Variants in EMG1 observed in about 807,000 individuals in gnomAD.
The protein encoded by EMG1 is EMG1 N1-specific pseudouridine methyltransferase.
EMG1 carries 24 observed loss-of-function variants against 26.9 expected under a neutral mutation model. The observed-to-expected ratio is 0.89, with a 90% CI of 0.65 to 1.26. The LOEUF (loss-of-function observed/expected upper bound fraction) is 1.26, where lower values mean the gene tolerates loss of function less well. EMG1 is among the 50% of genes most tolerant of loss of function. The probability of loss-of-function intolerance (pLI) is 0.00; values close to 1 mark genes in which losing one functional copy is unlikely to be tolerated. For missense variants in EMG1, 299 were observed against 307.6 expected, an observed-to-expected ratio of 0.97 and a Z score of 0.21; for synonymous variants, 140 against 112.6, an observed-to-expected ratio of 1.24 and a Z score of -1.54.
In EMG1 at chr12:6,975,080, C is replaced by G; in HGVS notation, c.413-10C>G. ...CCATCTAGCTCTGAACTCTTTTTTC[C>G]CCCTTCTAGTTCAACTTTTACACAA... On this transcript the variant is annotated splice_polypyrimidine_tract_variant and intron_variant, in intron 3 of 5. Transcript: ENST00000599672. 1 of 1,613,854 alleles carries G rather than the reference C, an allele frequency of 6.2e-7. No individual in the cohort carries two copies. The highest frequency in any genetic ancestry group is 8.5e-7 in the Non-Finnish European group (1 of 1,179,760).
intron 7 of EMG1, among the ~76,000 whole-genome samples, chr12:6,994,920 C>A (rs1555155886): frequency 6.6e-6 from 1 of 152,198 alleles, no homozygotes; most frequent in African/African-American, 2.4e-5. Flanking sequence ...TGCTACACTG[C>A]TTCTTTGGAA....
At chr12:6,991,447 T>C (rs1946589887), downstream of EMG1, among the ~76,000 whole-genome samples, 1 of 152,244 alleles carries the variant, frequency 6.6e-6, no homozygotes, top group Non-Finnish European at 1.5e-5. Flanking sequence ...TCCCTGTTGT[T>C]AGGCAGATCT....
rs1946438314 is a variant in EMG1 at position 6,978,818 on chromosome 12, A to G, written c.*3009A>G. The G allele has an allele frequency of 9.6e-6, 13 of 1,359,088 alleles. No individual in the cohort carries two copies. Among genetic ancestry groups the G allele is most frequent in the Non-Finnish European group, 1.2e-5 (12 of 1,001,206 alleles). 84.2% of individuals were successfully genotyped at this position (1,359,088 alleles called of 1,614,324 possible). On this transcript the variant is annotated 3_prime_UTR_variant, in exon 6 of 6. Coordinates refer to ENST00000599672, the MANE Select transcript of EMG1 (RefSeq NM_006331.8). ...TGAGTCCTGCTGCCAGATGCCCTCA[A>G]TAGTCTGGCCTGATTGCCTTCACAA...
chr12:6,978,084 G>A lies in EMG1; in HGVS notation c.*2275G>A. 1 of 563,238 alleles carries A rather than the reference G, an allele frequency of 1.8e-6. No individual in the cohort carries two copies. Among genetic ancestry groups the A allele is most frequent in the South Asian group, 2.2e-5 (1 of 44,652 alleles). 34.9% of individuals were successfully genotyped at this position (563,238 alleles called of 1,614,324 possible). A position where few individuals can be genotyped will look rare whatever the true frequency, so the allele number is the denominator to read the frequency against. On this transcript the variant is annotated 3_prime_UTR_variant, in exon 6 of 6. Coordinates refer to ENST00000599672, the MANE Select transcript of EMG1 (RefSeq NM_006331.8). ...AGCTGTTGATAAACAGGGCAGTGGA[G>A]GACATAAGTCCATTGGCAGAGCTGG...
At chr12:6,989,122 C>CA (rs782103069), downstream of EMG1, among the ~76,000 whole-genome samples, 1,519 of 132,560 alleles carry the variant, frequency 0.011, 19 homozygotes, top group African/African-American at 0.033. Flanking sequence ...AACTCCATCT[C>CA]AAAAAAAAAA....
At chr12:6,982,566 G>A (rs1343673841), downstream of EMG1, 2 of 753,850 alleles carry the variant, frequency 2.7e-6, no homozygotes, top group East Asian at 5.4e-5. Context: ...AGTGCTGGGA[G>A]AGGGGTTAGA....
Position 6,978,224 on chromosome 12 carries a change from G to T in EMG1, c.*2415G>T, listed in dbSNP as rs1449710262. The stretch of plus-strand genomic sequence containing the variant: ...GGGTCAAAGTCAGTGTGAGCGACAG[G>T]GGGTTCTGCCCAGATGGGAAAGACG... On this transcript the variant is annotated 3_prime_UTR_variant, in exon 6 of 6. Transcript: ENST00000599672. 4 of 1,223,984 alleles carry T rather than the reference G, an allele frequency of 3.3e-6. No individual in the cohort carries two copies. Among genetic ancestry groups the T allele is most frequent in the Non-Finnish European group, 3.4e-6 (3 of 874,344 alleles). 75.8% of individuals were successfully genotyped at this position (1,223,984 alleles called of 1,614,324 possible).
intron 1 of EMG1, among the ~76,000 whole-genome samples, chr12:6,972,152 C>G (rs768458282): frequency 5.8e-4 from 88 of 151,508 alleles, no homozygotes; most frequent in Middle Eastern, 3.4e-3. Context: ...CTGCAGCCTC[C>G]GCCTCCCGGG....
chr12:6,981,334 T>C (rs1591546798), downstream of EMG1: 3 of 689,056 alleles, frequency 4.4e-6, no homozygotes, highest in Non-Finnish European at 7.3e-6. Context: ...CTTGTGGAAA[T>C]GCGTATGTGT....
At chr12:6,973,699 T>C (rs1555152579) in intron 1 of EMG1, among the ~76,000 whole-genome samples, 1 of 151,840 alleles carries the variant, frequency 6.6e-6, no homozygotes, top group East Asian at 1.9e-4. Context: ...CCTGCCACCA[T>C]GCCCGGCTAA....
At chr12:6,973,972 T>G (rs1555152610) in intron 1 of EMG1, among the ~76,000 whole-genome samples, 1 of 152,268 alleles carries the variant, frequency 6.6e-6, no homozygotes, top group East Asian at 1.9e-4. Flanking sequence ...CATTCAGCCT[T>G]GCTAACTACT....
rs782380660 is a variant in EMG1, at chr12:6,977,928, C to T, written c.*2119C>T. ...TTAGAGATGGAAAGCAGACCCAAGG[C>T]GGAGCTGGAGACCGTGTGCGCACGA... On this transcript the variant is annotated 3_prime_UTR_variant, in exon 6 of 6. Coordinates refer to ENST00000599672, the MANE Select transcript of EMG1 (RefSeq NM_006331.8). This position sits in a 1 kb window ranked among gnomAD's most constrained non-coding sequence, Gnocchi z 4.5. The T allele has an allele frequency of 1.5e-5, 10 of 681,842 alleles. No individual in the cohort carries two copies. Among genetic ancestry groups the T allele is most frequent in the Admixed American group, 2.9e-5 (1 of 34,066 alleles). 42.2% of individuals were successfully genotyped at this position (681,842 alleles called of 1,614,324 possible). A position where few individuals can be genotyped will look rare whatever the true frequency, so the allele number is the denominator to read the frequency against.
chr12:6,974,992 A>G, intron 3 of EMG1, 98 bp from the exon 4 acceptor site: 1 of 1,220,632 alleles, frequency 8.2e-7, no homozygotes, highest in Non-Finnish European at 1.2e-6. Context: ...TAAAGCACAC[A>G]GGGAACTCAT....
At position 6,978,808 on chromosome 12, in the gene EMG1, G is replaced by A; in HGVS notation, c.*2999G>A. ...CATACCTGCCTGAGTCCTGCTGCCA[G>A]ATGCCCTCAATAGTCTGGCCTGATT... On this transcript the variant is annotated 3_prime_UTR_variant, in exon 6 of 6. Coordinates refer to ENST00000599672, the MANE Select transcript of EMG1 (RefSeq NM_006331.8). 6.9e-7 allele frequency: 1 copy of A among 1,448,736 alleles called. No individual in the cohort carries two copies. Among genetic ancestry groups the A allele is most frequent in the South Asian group, 1.4e-5 (1 of 73,418 alleles). 89.7% of individuals were successfully genotyped at this position (1,448,736 alleles called of 1,614,324 possible). A position where few individuals can be genotyped will look rare whatever the true frequency, so the allele number is the denominator to read the frequency against.
chr12:6,971,114 G>A (rs1946319842), intron 1 of EMG1, 23 bp downstream of exon 1: 4 of 1,599,752 alleles, frequency 2.5e-6, no homozygotes, highest in African/African-American at 2.7e-5. Flanking sequence ...AGGAAGTGGA[G>A]AAGTAGTAAA....
intron 6 of EMG1, among the ~76,000 whole-genome samples, chr12:6,985,746 C>T (rs939490658): frequency 1.3e-5 from 2 of 151,088 alleles, no homozygotes; most frequent in African/African-American, 2.4e-5. Flanking sequence ...GCCATTTGAT[C>T]TTCCTGGTGC....
intron 1 of EMG1, among the ~76,000 whole-genome samples, chr12:6,973,155 C>T (rs149023481): frequency 6.7e-4 from 102 of 151,978 alleles, no homozygotes; most frequent in African/African-American, 2.2e-3. Flanking sequence ...GTCTTGATTC[C>T]ATCTGTACCT....
In EMG1 at chr12:6,979,843, G is replaced by A. The variant is rs1946451677; in HGVS notation, c.*4034G>A. 4 of 457,650 alleles carry A rather than the reference G, an allele frequency of 8.7e-6. No homozygotes were observed. Among genetic ancestry groups the A allele is most frequent in the Non-Finnish European group, 1.6e-5 (4 of 252,700 alleles). The allele number at this position is 457,650 out of a possible 1,614,324, so 28.3% of individuals were successfully genotyped here. A position where few individuals can be genotyped will look rare whatever the true frequency, so the allele number is the denominator to read the frequency against. On this transcript the variant is annotated 3_prime_UTR_variant, in exon 6 of 6. Transcript: ENST00000599672. Reference sequence around the variant, plus strand: ...ACCAGTCTTGTGTTTACCCCTCAGGGATGCTACTGATCTCAAGGTCTTGCC... The same window carrying A: ...ACCAGTCTTGTGTTTACCCCTCAGGAATGCTACTGATCTCAAGGTCTTGCC...
downstream of EMG1, among the ~76,000 whole-genome samples, chr12:6,990,771 G>T (rs1946581727): frequency 6.6e-6 from 1 of 150,848 alleles, no homozygotes. Flanking sequence ...ACAAAAACCA[G>T]CCAGACATGG....
Sources: allele counts gnomAD v4.1 joint callset (sites outside exome capture counted in the v4.1 genomes callset), GRCh38; gene constraint gnomAD v4.1.1; non-coding constraint Gnocchi (gnomAD v3.1); transcripts MANE v1.5; gene names NCBI Gene and HGNC (gene_info 2026-07-23, HGNC 2026-07-21).